Variants in SPAG16 observed in about 807,000 individuals in gnomAD.
The protein encoded by SPAG16 is sperm associated antigen 16.
A neutral mutation model predicts 80.4 loss-of-function variants in SPAG16; 86 were observed. The ratio of observed to expected loss-of-function variants is 1.07; its 90% confidence interval spans 0.90 to 1.28. SPAG16 has a LOEUF of 1.28. Ranked by LOEUF, SPAG16 falls within the 50% of genes most tolerant of loss-of-function variation. The pLI, the probability that SPAG16 is intolerant of heterozygous loss-of-function variation, is 0.00. For synonymous variants in SPAG16, 294 were observed against 265.9 expected (o/e 1.11, Z -1.03); for missense variants, 870 against 765.3 (o/e 1.14, Z -1.61).
chr2:213,512,168 G>A (rs1182172964), intron 10 of SPAG16, among the ~76,000 whole-genome samples: 1 of 152,046 alleles, frequency 6.6e-6, no homozygotes, highest in East Asian at 1.9e-4. Flanking sequence ...GCAATAAGAG[G>A]TAGAATTCAG....
At chr2:213,674,370 C>CT (rs1008866251) in intron 10 of SPAG16, among the ~76,000 whole-genome samples, 84 of 142,380 alleles carry the variant, frequency 5.9e-4, no homozygotes, top group East Asian at 8.2e-4. Flanking sequence ...TCTTGCTGCT[C>CT]TTTTTTTTTT....
chr2:213,852,151 A>G (rs1320958272), intron 10 of SPAG16, among the ~76,000 whole-genome samples: 1 of 152,194 alleles, frequency 6.6e-6, no homozygotes, highest in East Asian at 1.9e-4. Context: ...AATGATGAGG[A>G]CAACTGTGAG....
intron 13 of SPAG16, among the ~76,000 whole-genome samples, chr2:214,087,365 A>C (rs1432275674): frequency 6.6e-6 from 1 of 152,194 alleles, no homozygotes; most frequent in African/African-American, 2.4e-5. Context: ...CCTACTTAAC[A>C]TGACAATAAA....
At chr2:214,281,227 T>C (rs543163698) in intron 15 of SPAG16, 2 of 319,756 alleles carry the variant, frequency 6.3e-6, no homozygotes, top group East Asian at 7.7e-5. Context: ...TTCATGTGCA[T>C]ATGCTATGCA....
intron 10 of SPAG16, among the ~76,000 whole-genome samples, chr2:213,853,897 G>T (rs1349480241): frequency 6.6e-6 from 1 of 152,132 alleles, no homozygotes; most frequent in Non-Finnish European, 1.5e-5. Context: ...TTGAGGAGGG[G>T]TATCCTGCTA....
In SPAG16 at chr2:214,309,560, T is replaced by C. The variant is rs144602251; in HGVS notation, c.1721-100580T>C. ...ATCTTTGAGGTTGCTGACCTTTGGA[T>C]AGGTTTTTTTTTTCTTTTATCCTAT... On this transcript the variant is annotated intron_variant, in intron 15 of 15. Transcript: ENST00000331683. Among the ~76,000 whole-genome samples, 420 of 152,208 alleles carry C rather than the reference T, an allele frequency of 2.8e-3. 2 individuals are homozygous for C. The highest frequency in any genetic ancestry group is 4.9e-3 in the Admixed American group (75 of 15,290).
chr2:213,765,556 A>G (rs2662680), intron 10 of SPAG16, among the ~76,000 whole-genome samples: 9,887 of 152,084 alleles, frequency 0.065, 1,064 homozygotes, highest in African/African-American at 0.22. Context: ...TTCTGTCTGC[A>G]TTCTTACATT....
intron 9 of SPAG16, among the ~76,000 whole-genome samples, chr2:213,488,871 GT>G (rs1264860838): frequency 6.7e-6 from 1 of 148,328 alleles, no homozygotes; most frequent in Non-Finnish European, 1.5e-5. Flanking sequence ...GAGGTAGGGA[GT>G]TTGAGACCAG....
At chr2:213,966,251 T>C (rs967810502) in intron 12 of SPAG16, among the ~76,000 whole-genome samples, 4 of 152,212 alleles carry the variant, frequency 2.6e-5, no homozygotes, top group African/African-American at 9.7e-5. Context: ...GTAACTCAAT[T>C]GTCATGGTCT....
intron 9 of SPAG16, among the ~76,000 whole-genome samples, chr2:213,435,547 G>C (rs1391915976): frequency 6.6e-6 from 1 of 152,062 alleles, no homozygotes; most frequent in East Asian, 1.9e-4. Flanking sequence ...AATAAGAAGA[G>C]AAAATATTGT....
At chr2:213,721,353 C>A (rs1018547701) in intron 10 of SPAG16, among the ~76,000 whole-genome samples, 5 of 152,178 alleles carry the variant, frequency 3.3e-5, no homozygotes, top group Non-Finnish European at 7.4e-5. Context: ...CACACTTCGG[C>A]CTCCCAAAGT....
chr2:213,319,295 A>G (rs2063523415), intron 5 of SPAG16, among the ~76,000 whole-genome samples: 1 of 151,962 alleles, frequency 6.6e-6, no homozygotes. Flanking sequence ...TTCATTGAGA[A>G]GTAGAGAAAA....
At chr2:213,747,834 G>A (rs2067900196) in intron 10 of SPAG16, among the ~76,000 whole-genome samples, 2 of 152,156 alleles carry the variant, frequency 1.3e-5, no homozygotes, top group South Asian at 4.1e-4. Flanking sequence ...TTAGCAGAAA[G>A]ATCATTTATT....
chr2:214,292,900 T>A (rs188041039), intron 15 of SPAG16, among the ~76,000 whole-genome samples: 4 of 152,332 alleles, frequency 2.6e-5, no homozygotes, highest in Admixed American at 2.6e-4. Context: ...GTATCTGTGA[T>A]TTCATCAGCT....
At chr2:213,908,787 T>G in intron 11 of SPAG16, among the ~76,000 whole-genome samples, 1 of 151,802 alleles carries the variant, frequency 6.6e-6, no homozygotes. Flanking sequence ...TTAATTATTA[T>G]TATACTTTAA....
intron 4 of SPAG16, among the ~76,000 whole-genome samples, chr2:213,315,721 C>T (rs1023745391): frequency 1.1e-4 from 16 of 151,456 alleles, no homozygotes; most frequent in African/African-American, 3.6e-4. Flanking sequence ...GTGACTTTCA[C>T]AGTGCCAACT....
At chr2:214,172,080 C>T (rs1359441752) in intron 15 of SPAG16, among the ~76,000 whole-genome samples, 2 of 151,090 alleles carry the variant, frequency 1.3e-5, no homozygotes, top group African/African-American at 4.9e-5. Flanking sequence ...ATCCTGCATA[C>T]TTTGTTTTTT....
intron 10 of SPAG16, among the ~76,000 whole-genome samples, chr2:213,590,665 G>T (rs957482412): frequency 2.6e-5 from 4 of 152,146 alleles, no homozygotes; most frequent in Non-Finnish European, 5.9e-5. Flanking sequence ...TGTTGCTAAG[G>T]TTGTGGAGAA....
At chr2:213,424,006 A>G (rs2069756052) in intron 9 of SPAG16, among the ~76,000 whole-genome samples, 2 of 152,192 alleles carry the variant, frequency 1.3e-5, no homozygotes, top group South Asian at 2.1e-4. Flanking sequence ...GAACTTTATG[A>G]TATGATGCAG....
Sources: gnomAD v4.1 joint callset for allele counts (sites outside exome capture counted in the v4.1 genomes callset) on GRCh38, gnomAD v4.1.1 for gene constraint, MANE v1.5 for transcripts, NCBI Gene and HGNC (gene_info 2026-07-23, HGNC 2026-07-21) for gene names.